DAB1: variants seen among roughly 807,000 people sequenced by gnomAD.
DAB1 encodes DAB adaptor protein 1.
DAB1 carries 15 observed loss-of-function variants against 64.6 expected under a neutral mutation model. The observed-to-expected ratio is 0.23, with a 90% confidence interval of 0.16 to 0.36. The LOEUF is 0.36. DAB1 is among the 10% of genes least tolerant of loss of function. The pLI, the probability that DAB1 is intolerant of heterozygous loss-of-function variation, is 1.00. For synonymous variants in DAB1, 235 were observed against 251.9 expected (o/e 0.93, Z 0.64); for missense variants, 596 against 706.7 (o/e 0.84, Z 1.78).
At chr1:58,255,228 G>A (rs921334534) in intron 4 of DAB1, among the ~76,000 whole-genome samples, 8 of 149,840 alleles carry the variant, frequency 5.3e-5, no homozygotes, top group East Asian at 2.0e-4. Context: ...CATGTCCTTC[G>A]CCCACTTTTT....
chr1:57,746,583 C>T (rs996652815), intron 6 of DAB1, among the ~76,000 whole-genome samples: 9 of 151,914 alleles, frequency 5.9e-5, no homozygotes, highest in African/African-American at 1.7e-4. Flanking sequence ...GTTCCAGGAC[C>T]CCCTAGAAAC....
intron 1 of DAB1, among the ~76,000 whole-genome samples, chr1:57,322,697 T>G (rs1208283898): frequency 6.6e-6 from 1 of 152,160 alleles, no homozygotes; most frequent in Non-Finnish European, 1.5e-5. Flanking sequence ...CTATTAAATC[T>G]CAGCATACAC....
intron 11 of DAB1, 79 bp downstream of exon 11, chr1:57,023,452 G>A (rs1209206767): frequency 1.5e-5 from 12 of 802,692 alleles, no homozygotes; most frequent in Admixed American, 6.1e-5. Flanking sequence ...ATCATCATTC[G>A]GTGGCTGGCT....
intron 2 of DAB1, among the ~76,000 whole-genome samples, chr1:57,182,073 G>C (rs1017086037): frequency 5.3e-5 from 8 of 152,068 alleles, no homozygotes; most frequent in Non-Finnish European, 7.4e-5. Context: ...TTTTAATAGA[G>C]ACGGGGTTTC....
At chr1:58,243,175 T>G (rs1476118673) in intron 4 of DAB1, among the ~76,000 whole-genome samples, 1 of 152,024 alleles carries the variant, frequency 6.6e-6, no homozygotes, top group Non-Finnish European at 1.5e-5. Context: ...ACTTTCCAAC[T>G]TGGCTGTAAA....
intron 7 of DAB1, among the ~76,000 whole-genome samples, chr1:57,431,840 TG>T (rs1257388838): frequency 1.3e-5 from 2 of 152,148 alleles, no homozygotes. Flanking sequence ...AAAAAATGGC[TG>T]GGCCGGGCAC....
intron 6 of DAB1, among the ~76,000 whole-genome samples, chr1:57,751,837 T>TAAA (rs1209229129): frequency 2.6e-5 from 4 of 151,876 alleles, no homozygotes; most frequent in Non-Finnish European, 5.9e-5. Context: ...CTTTACTTAA[T>TAAA]AAATAAATAA....
chr1:57,145,450 T>C, intron 2 of DAB1, 21 bp from the exon 3 acceptor site: 2 of 1,613,646 alleles, frequency 1.2e-6, no homozygotes, highest in Non-Finnish European at 1.7e-6. Flanking sequence ...AAAAAGCAGA[T>C]TCAAATATGT....
At chr1:57,027,689 C>A (rs1646836476) in intron 9 of DAB1, among the ~76,000 whole-genome samples, 1 of 152,126 alleles carries the variant, frequency 6.6e-6, no homozygotes, top group Non-Finnish European at 1.5e-5. Context: ...GGAGAACTTT[C>A]TTTGATGTTT....
At chr1:58,327,396 C>T (rs534273175) in intron 4 of DAB1, among the ~76,000 whole-genome samples, 5 of 152,180 alleles carry the variant, frequency 3.3e-5, no homozygotes, top group Admixed American at 3.3e-4. Context: ...CAGCCCAAAC[C>T]CACTCCTGAT....
intron 4 of DAB1, among the ~76,000 whole-genome samples, chr1:58,296,205 G>GA (rs72476365): frequency 1.7e-5 from 2 of 118,112 alleles, no homozygotes; most frequent in Non-Finnish European, 3.5e-5. Context: ...GAGAAAGAAA[G>GA]AAAGAAAGAA....
intron 2 of DAB1, among the ~76,000 whole-genome samples, chr1:57,192,955 A>G (rs1158665138): frequency 2.0e-5 from 3 of 152,196 alleles, no homozygotes; most frequent in Admixed American, 1.3e-4. Context: ...TCAAAGTTAT[A>G]TATATTTACA....
At chr1:57,530,725 C>T (rs2793626) in intron 7 of DAB1, among the ~76,000 whole-genome samples, 34,582 of 152,078 alleles carry the variant, frequency 0.23, 4,118 homozygotes, top group South Asian at 0.4. Context: ...TCTTGGCAAA[C>T]AGTGACACAC....
intron 7 of DAB1, among the ~76,000 whole-genome samples, chr1:57,581,282 GA>G (rs1454435673): frequency 2.6e-5 from 4 of 152,196 alleles, no homozygotes; most frequent in Non-Finnish European, 5.9e-5. Context: ...ACACTTCAGA[GA>G]AAAACTCTAG....
intron 1 of DAB1, among the ~76,000 whole-genome samples, chr1:57,374,054 G>T (rs899757070): frequency 1.3e-5 from 2 of 152,150 alleles, no homozygotes; most frequent in African/African-American, 4.8e-5. Context: ...ATGGGGACAG[G>T]TCCCTTTGCT....
At chr1:57,282,116 G>A (rs1033146743) in intron 2 of DAB1, among the ~76,000 whole-genome samples, 1 of 141,800 alleles carries the variant, frequency 7.1e-6, no homozygotes, top group African/African-American at 2.6e-5. Context: ...CTGGGAGGCA[G>A]ACATTGCAGT....
chr1:57,048,675 C>G (rs952695577), intron 9 of DAB1, among the ~76,000 whole-genome samples: 16 of 152,144 alleles, frequency 1.1e-4, no homozygotes, highest in Non-Finnish European at 1.6e-4. Context: ...GGTGGGGGGG[C>G]TTCACCTACT....
chr1:57,553,442 G>GAAAGGAAGAAAGAAAGAAAGAA (rs59263518), intron 7 of DAB1, among the ~76,000 whole-genome samples: 1 of 68,154 alleles, frequency 1.5e-5, no homozygotes, highest in Non-Finnish European at 2.8e-5. Context: ...AAGAAAGAAA[G>GAAAGGAAGAAAGAAAGAAAGAA]AGAAAGAAAG....
intron 4 of DAB1, among the ~76,000 whole-genome samples, chr1:58,193,016 C>T (rs1379045756): frequency 6.6e-6 from 1 of 152,056 alleles, no homozygotes; most frequent in African/African-American, 2.4e-5. Context: ...AAATTGATAT[C>T]TAATATTTAT....
Sources: allele counts gnomAD v4.1 joint callset (sites outside exome capture counted in the v4.1 genomes callset), GRCh38; gene constraint gnomAD v4.1.1; transcripts MANE v1.5; gene names NCBI Gene and HGNC (gene_info 2026-07-23, HGNC 2026-07-21).